RBFOX1: variants seen among roughly 807,000 people sequenced by gnomAD.
RBFOX1 encodes the protein RNA binding protein fox-1 homolog 1.
Under a neutral mutation model 57.7 loss-of-function variants are expected in RBFOX1, and 8 were observed. That is an observed-to-expected ratio of 0.14 (90% confidence interval 0.08 to 0.25). The LOEUF is 0.25. Ranked by LOEUF, RBFOX1 falls within the 10% of genes least tolerant of loss-of-function variation. The probability of loss-of-function intolerance (pLI) is 1.00; values close to 1 mark genes in which losing one functional copy is unlikely to be tolerated. For synonymous variants in RBFOX1, 326 were observed against 222.4 expected, an observed-to-expected ratio of 1.47 and a Z score of -4.15; for missense variants, 611 against 548.5, an observed-to-expected ratio of 1.11 and a Z score of -1.14.
chr16:7,033,528 A>C (rs974278539), intron 3 of RBFOX1, among the ~76,000 whole-genome samples: 1 of 152,168 alleles, frequency 6.6e-6, no homozygotes, highest in Non-Finnish European at 1.5e-5. Flanking sequence ...TCAAAAACTG[A>C]AAACAATGGT....
At chr16:6,794,976 C>T (rs536990858) in intron 3 of RBFOX1, among the ~76,000 whole-genome samples, 2 of 152,230 alleles carry the variant, frequency 1.3e-5, no homozygotes, top group South Asian at 4.1e-4. Context: ...AGTTTTTAAA[C>T]AGAGTGAGGG....
intron 4 of RBFOX1, among the ~76,000 whole-genome samples, chr16:7,239,742 A>G (rs1445435789): frequency 6.6e-6 from 1 of 152,126 alleles, no homozygotes; most frequent in Non-Finnish European, 1.5e-5. Context: ...CTGATGTTGT[A>G]TTCATGTTTC....
chr16:5,784,519 C>T (rs928900643), intron 3 of RBFOX1, among the ~76,000 whole-genome samples: 1 of 152,098 alleles, frequency 6.6e-6, no homozygotes, highest in Non-Finnish European at 1.5e-5. Flanking sequence ...TTTAAACAAC[C>T]ATCTCTTGTA....
Position 5,379,047 on chromosome 16 carries a change from T to C in RBFOX1, c.220-88169T>C, listed in dbSNP as rs552309. Among the ~76,000 whole-genome samples the C allele has an allele frequency of 2.2e-3, 334 of 151,576 alleles. 17 individuals are homozygous for C. The highest frequency in any genetic ancestry group is 7.8e-3 in the African/African-American group (321 of 40,892). On this transcript the variant is annotated intron_variant, in intron 1 of 2. Transcript: ENST00000585867. ...ATGTATTAGGTTGGCACAAAAGTAA[T>C]TGCAGTTTTTGGCATTAAAAGTAAT...
chr16:7,062,718 C>T (rs868717425), intron 4 of RBFOX1, among the ~76,000 whole-genome samples: 1 of 152,098 alleles, frequency 6.6e-6, no homozygotes, highest in Middle Eastern at 3.4e-3. Context: ...AGAAAACAAG[C>T]ATGATTGAAA....
At chr16:5,352,014 C>T (rs1202649942) in intron 1 of RBFOX1, among the ~76,000 whole-genome samples, 3 of 152,150 alleles carry the variant, frequency 2.0e-5, no homozygotes, top group African/African-American at 7.2e-5. Flanking sequence ...CCATGTTGGC[C>T]AGGCTGGTCT....
intron 1 of RBFOX1, among the ~76,000 whole-genome samples, chr16:6,288,548 G>C (rs61626218): frequency 6.6e-6 from 1 of 152,110 alleles, no homozygotes; most frequent in African/African-American, 2.4e-5. Flanking sequence ...TAGATACTGC[G>C]TCATTTTTGT....
intron 3 of RBFOX1, among the ~76,000 whole-genome samples, chr16:6,990,220 G>A (rs547088482): frequency 2.0e-5 from 3 of 152,032 alleles, no homozygotes; most frequent in South Asian, 4.2e-4. Context: ...TCTTTGCTTC[G>A]CATTTTAAAA....
chr16:6,700,395 C>T (rs762613277), intron 3 of RBFOX1, among the ~76,000 whole-genome samples: 61 of 151,886 alleles, frequency 4.0e-4, no homozygotes, highest in Admixed American at 7.9e-4. Context: ...TCATGTCTCA[C>T]ATCTGTAATC....
chr16:7,200,934 AG>A (rs2088223125), intron 4 of RBFOX1, among the ~76,000 whole-genome samples: 1 of 152,202 alleles, frequency 6.6e-6, no homozygotes, highest in Admixed American at 6.5e-5. Flanking sequence ...TGAGGCAAGA[AG>A]GTTTAAGATG....
intron 1 of RBFOX1, among the ~76,000 whole-genome samples, chr16:6,316,111 C>T (rs2081086650): frequency 6.6e-6 from 1 of 152,152 alleles, no homozygotes; most frequent in Non-Finnish European, 1.5e-5. Flanking sequence ...GATTCCAGAA[C>T]CCTGCAAAGT....
intron 2 of RBFOX1, among the ~76,000 whole-genome samples, chr16:5,516,712 T>C (rs1180379012): frequency 6.6e-6 from 1 of 152,064 alleles, no homozygotes; most frequent in Non-Finnish European, 1.5e-5. Context: ...AATTGAGTCA[T>C]GGGGGTGGGT....
At chr16:6,908,299 C>T (rs184411347) in intron 3 of RBFOX1, among the ~76,000 whole-genome samples, 3 of 151,814 alleles carry the variant, frequency 2.0e-5, no homozygotes, top group East Asian at 3.9e-4. Flanking sequence ...CCTGCACCCC[C>T]AGCCTCTGAC....
chr16:7,463,529 C>G (rs1039646226), intron 4 of RBFOX1, among the ~76,000 whole-genome samples: 1 of 152,076 alleles, frequency 6.6e-6, no homozygotes, highest in Non-Finnish European at 1.5e-5. Flanking sequence ...GGTACAAATC[C>G]CCATCAACAG....
chr16:7,374,715 C>T (rs1407533337), intron 4 of RBFOX1, among the ~76,000 whole-genome samples: 5 of 152,230 alleles, frequency 3.3e-5, no homozygotes, highest in Admixed American at 1.3e-4. Context: ...TCAACACGTA[C>T]TCGGTCCCCT....
intron 4 of RBFOX1, among the ~76,000 whole-genome samples, chr16:7,065,171 G>A (rs1350003241): frequency 6.6e-6 from 1 of 152,214 alleles, no homozygotes; most frequent in African/African-American, 2.4e-5. Context: ...CAAGCAACTG[G>A]TGTTTGGAAG....
intron 3 of RBFOX1, among the ~76,000 whole-genome samples, chr16:6,676,875 C>T (rs772968221): frequency 3.3e-5 from 5 of 151,806 alleles, no homozygotes; most frequent in Admixed American, 3.3e-4. Flanking sequence ...GGGGTTTCAC[C>T]ATGTTGGCCA....
intron 3 of RBFOX1, among the ~76,000 whole-genome samples, chr16:5,747,747 C>G (rs533984174): frequency 2.0e-5 from 3 of 152,198 alleles, no homozygotes; most frequent in East Asian, 1.9e-4. Context: ...TTTATTGTGT[C>G]TATTTGATTC....
chr16:6,593,488 C>G (rs2097743558), intron 2 of RBFOX1, among the ~76,000 whole-genome samples: 1 of 152,138 alleles, frequency 6.6e-6, no homozygotes. Flanking sequence ...TTTCCTTGTA[C>G]TAGAGGGAGA....
Sources: gnomAD v4.1 joint callset for allele counts (sites outside exome capture counted in the v4.1 genomes callset) on GRCh38, gnomAD v4.1.1 for gene constraint, MANE v1.5 for transcripts, NCBI Gene and HGNC (gene_info 2026-07-23, HGNC 2026-07-21) for gene names.